Variants in AGBL4 observed in about 807,000 individuals in gnomAD.
AGBL4 encodes the protein AGBL carboxypeptidase 4.
In AGBL4, 58 loss-of-function variants were observed where a neutral mutation model predicts 66.4. The observed-to-expected ratio is 0.87, with a 90% confidence interval of 0.71 to 1.09. The LOEUF is 1.09. AGBL4 is among the 50% of genes least tolerant of loss of function. The pLI, the probability that AGBL4 is intolerant of heterozygous loss-of-function variation, is 0.00. For synonymous variants in AGBL4, 234 were observed against 222.9 expected, an observed-to-expected ratio of 1.05 and a Z score of -0.44; for missense variants, 579 against 631.0, an observed-to-expected ratio of 0.92 and a Z score of 0.88.
chr1:48,960,568 T>A (rs1295591611), intron 5 of AGBL4, among the ~76,000 whole-genome samples: 2 of 151,956 alleles, frequency 1.3e-5, no homozygotes, highest in Non-Finnish European at 2.9e-5. Context: ...AATCTAGAGA[T>A]CAAGGGAATG....
At chr1:49,575,481 A>T (rs1284428984) in intron 3 of AGBL4, among the ~76,000 whole-genome samples, 1 of 152,174 alleles carries the variant, frequency 6.6e-6, no homozygotes, top group Non-Finnish European at 1.5e-5. Context: ...AAACAATATC[A>T]ATCCCTGCAG....
At chr1:49,295,053 A>C (rs1274774716) in intron 3 of AGBL4, among the ~76,000 whole-genome samples, 1 of 152,216 alleles carries the variant, frequency 6.6e-6, no homozygotes, top group Non-Finnish European at 1.5e-5. Flanking sequence ...TGAATAAATA[A>C]ATTAATTGAA....
intron 1 of AGBL4, among the ~76,000 whole-genome samples, chr1:50,009,742 T>A (rs1031869032): frequency 6.6e-6 from 1 of 151,708 alleles, no homozygotes; most frequent in Non-Finnish European, 1.5e-5. Context: ...GTAGATGATC[T>A]TGTATTTGAA....
At chr1:48,976,899 T>A (rs1033619052) in intron 5 of AGBL4, among the ~76,000 whole-genome samples, 23 of 152,300 alleles carry the variant, frequency 1.5e-4, no homozygotes, top group Admixed American at 7.2e-4. Context: ...CCTTTTTCCT[T>A]TCTTCAGCAT....
chr1:49,947,823 C>G (rs1350057007), intron 1 of AGBL4, among the ~76,000 whole-genome samples: 1 of 147,866 alleles, frequency 6.8e-6, no homozygotes, highest in Non-Finnish European at 1.5e-5. Flanking sequence ...GCTCCTAGAA[C>G]TGATAAAAGA....
At chr1:49,825,852 C>T (rs1327328236) in intron 2 of AGBL4, among the ~76,000 whole-genome samples, 4 of 150,918 alleles carry the variant, frequency 2.7e-5, no homozygotes, top group Non-Finnish European at 4.4e-5. Context: ...TTCACTCACA[C>T]ATACACACAC....
At chr1:49,383,668 T>C (rs1198448733) in intron 3 of AGBL4, among the ~76,000 whole-genome samples, 1 of 152,022 alleles carries the variant, frequency 6.6e-6, no homozygotes, top group Non-Finnish European at 1.5e-5. Flanking sequence ...AAGATCTAAA[T>C]GTAAGATCTG....
In AGBL4 at chr1:50,005,024, G is replaced by A. The variant is rs935021327; in HGVS notation, c.34+18739C>T. Among the ~76,000 whole-genome samples the A allele has an allele frequency of 5.3e-5, 8 of 152,206 alleles. 1 individual carries two copies. Among genetic ancestry groups the A allele is most frequent in the Middle Eastern group, 6.8e-3 (2 of 292 alleles). ...TCCTAAGGTTTCCAGGACCTAGCTC[G>A]CTGATGGCATCTCCAGACCTGCCGG... On this transcript the variant is annotated intron_variant, in intron 1 of 13. Transcript: ENST00000371839.
At chr1:48,874,531 C>T (rs1358787872) in intron 5 of AGBL4, among the ~76,000 whole-genome samples, 1 of 152,066 alleles carries the variant, frequency 6.6e-6, no homozygotes, top group Non-Finnish European at 1.5e-5. Flanking sequence ...GTTTGGCATT[C>T]AAGGAGGGTG....
chr1:49,904,807 A>T (rs2148196922), intron 1 of AGBL4, among the ~76,000 whole-genome samples: 1 of 152,338 alleles, frequency 6.6e-6, no homozygotes, highest in African/African-American at 2.4e-5. Flanking sequence ...GCTAGAGGCT[A>T]TTCTCATGCC....
At chr1:49,569,590 A>T (rs1571068944) in intron 3 of AGBL4, among the ~76,000 whole-genome samples, 2 of 151,570 alleles carry the variant, frequency 1.3e-5, no homozygotes, top group Non-Finnish European at 2.9e-5. Context: ...TGACTTATTT[A>T]TTTTTTTATA....
intron 3 of AGBL4, among the ~76,000 whole-genome samples, chr1:49,608,276 T>A (rs1445939896): frequency 6.6e-6 from 1 of 152,184 alleles, no homozygotes; most frequent in East Asian, 1.9e-4. Flanking sequence ...TTTAAAAAAA[T>A]TCTTCTCTCA....
At chr1:49,632,002 CCA>C (rs1420847849) in intron 3 of AGBL4, among the ~76,000 whole-genome samples, 1 of 152,084 alleles carries the variant, frequency 6.6e-6, no homozygotes, top group Non-Finnish European at 1.5e-5. Context: ...ACTATGCTCC[CCA>C]CAGTCATGAA....
chr1:48,526,559 G>A, the AGBL4 span, among the ~76,000 whole-genome samples: 1 of 152,164 alleles, frequency 6.6e-6, no homozygotes, highest in Non-Finnish European at 1.5e-5. Flanking sequence ...AGTAGTAGCA[G>A]CAATATCCAC....
intron 3 of AGBL4, among the ~76,000 whole-genome samples, chr1:49,561,414 G>A (rs987433249): frequency 1.3e-5 from 2 of 151,552 alleles, no homozygotes; most frequent in East Asian, 1.9e-4. Flanking sequence ...CCATTGACTC[G>A]TCATTTAGCA....
intron 12 of AGBL4, 31 bp from the exon 13 acceptor site, chr1:48,534,947 T>C: frequency 3.9e-6 from 6 of 1,548,084 alleles, no homozygotes; most frequent in Non-Finnish European, 5.2e-6. Context: ...ATGTCCTTCC[T>C]GCCTCTTAGG....
intron 8 of AGBL4, 138 bp from the exon 9 acceptor site, chr1:48,634,742 C>T (rs1645642726): frequency 1.4e-5 from 8 of 575,616 alleles, no homozygotes; most frequent in Middle Eastern, 3.6e-4. Context: ...GTTCTAAGTA[C>T]TTTATATGAG....
chr1:49,178,724 G>A (rs1236542429), intron 4 of AGBL4, among the ~76,000 whole-genome samples: 1 of 152,154 alleles, frequency 6.6e-6, no homozygotes, highest in East Asian at 1.9e-4. Flanking sequence ...TAGTAACTAG[G>A]ACAGTTACTG....
rs71307610 is a variant in AGBL4, at chr1:49,266,608, A to AACACACAC, written c.283-20752_283-20745dup. ...CCTTAAGTGAGGAAAATAAACCTGT[A>AACACACAC]ACACACACACACACACACACACGCG... On this transcript the variant is annotated intron_variant, in intron 3 of 13. Transcript: ENST00000371839. Among the ~76,000 whole-genome samples, 443 of 149,734 alleles carry AACACACAC rather than the reference A, an allele frequency of 3.0e-3. 4 individuals carry two copies. Among genetic ancestry groups the AACACACAC allele is most frequent in the African/African-American group, 7.1e-3 (291 of 40,722 alleles).
Sources: allele counts gnomAD v4.1 joint callset (sites outside exome capture counted in the v4.1 genomes callset), GRCh38; gene constraint gnomAD v4.1.1; transcripts MANE v1.5; gene names NCBI Gene and HGNC (gene_info 2026-07-23, HGNC 2026-07-21).